The following DOCK4 variants were observed in gnomAD, a reference collection of about 807,000 sequenced individuals.
DOCK4 encodes dedicator of cytokinesis protein 4.
In DOCK4, 97 loss-of-function variants were observed where a neutral mutation model predicts 268.1. That is an observed-to-expected ratio of 0.36 (90% confidence interval 0.31 to 0.43). The LOEUF is 0.43. Among genes scored for constraint, DOCK4 ranks in the 20% least tolerant of loss-of-function variants. The probability of loss-of-function intolerance (pLI) is 1.00; values close to 1 mark genes in which losing one functional copy is unlikely to be tolerated. For missense variants in DOCK4, 2,145 were observed against 2,455.7 expected, an observed-to-expected ratio of 0.87 and a Z score of 2.67; for synonymous variants, 954 against 887.2, an observed-to-expected ratio of 1.08 and a Z score of -1.34.
chr7:111,766,441 C>A (rs1230047734), intron 38 of DOCK4, among the ~76,000 whole-genome samples: 1 of 152,086 alleles, frequency 6.6e-6, no homozygotes, highest in African/African-American at 2.4e-5. Context: ...CACAAACGTT[C>A]ATGTTGCTCA....
At chr7:111,960,269 C>T (rs938790827) in intron 8 of DOCK4, among the ~76,000 whole-genome samples, 2 of 150,550 alleles carry the variant, frequency 1.3e-5, no homozygotes, top group Non-Finnish European at 2.9e-5. Flanking sequence ...GAGGCTGAGG[C>T]AGGAGAATCG....
At position 111,778,388 on chromosome 7, in the gene DOCK4, G is replaced by T; in HGVS notation, c.3586-19C>A. On this transcript the variant is annotated intron_variant, in intron 35 of 52. Transcript: ENST00000428084. ...AGAAGTTCTGTAAAAAAAGAGTACA[G>T]GTATGGATAGTTCCTCAACAATCTG... 1 of 1,509,738 alleles carries T rather than the reference G, an allele frequency of 6.6e-7. No homozygotes were observed. The highest frequency in any genetic ancestry group is 1.1e-5 in the South Asian group (1 of 87,534). 93.5% of individuals were successfully genotyped at this position (1,509,738 alleles called of 1,614,324 possible). A position where few individuals can be genotyped will look rare whatever the true frequency, so the allele number is the denominator to read the frequency against.
intron 24 of DOCK4, among the ~76,000 whole-genome samples, chr7:111,846,050 C>T (rs537627997): frequency 6.6e-6 from 1 of 152,264 alleles, no homozygotes; most frequent in Admixed American, 6.5e-5. Context: ...TATTACACTT[C>T]CAGAGGCAGA....
chr7:112,169,498 T>C (rs1817894225), intron 1 of DOCK4, among the ~76,000 whole-genome samples: 1 of 152,170 alleles, frequency 6.6e-6, no homozygotes, highest in African/African-American at 2.4e-5. Context: ...AAATATTTGA[T>C]ATTTTAAAGG....
chr7:111,831,010 C>A (rs1203514311), intron 26 of DOCK4, among the ~76,000 whole-genome samples: 1 of 152,016 alleles, frequency 6.6e-6, no homozygotes, highest in Non-Finnish European at 1.5e-5. Context: ...CTTGGATGTT[C>A]ACATTTACTC....
intron 8 of DOCK4, among the ~76,000 whole-genome samples, chr7:111,959,313 C>T (rs962345714): frequency 5.9e-5 from 9 of 152,102 alleles, no homozygotes; most frequent in South Asian, 2.1e-4. Flanking sequence ...CACGTCTGGC[C>T]GGTCAGACAT....
chr7:111,876,727 G>C (rs1806916447), intron 17 of DOCK4, among the ~76,000 whole-genome samples: 1 of 146,842 alleles, frequency 6.8e-6, no homozygotes, highest in Non-Finnish European at 1.5e-5. Context: ...TAAAACACGA[G>C]ATTAAGGTGT....
At chr7:111,771,747 G>A (rs1325929296) in intron 36 of DOCK4, among the ~76,000 whole-genome samples, 4 of 152,108 alleles carry the variant, frequency 2.6e-5, no homozygotes, top group Non-Finnish European at 5.9e-5. Flanking sequence ...CACACTCTTT[G>A]CTCTTGTCAT....
chr7:111,733,692 G>A (rs553949987), intron 51 of DOCK4, among the ~76,000 whole-genome samples: 1 of 152,192 alleles, frequency 6.6e-6, no homozygotes, highest in African/African-American at 2.4e-5. Flanking sequence ...TGCTTTTCAG[G>A]TTCTCAACTT....
chr7:112,060,450 C>T (rs566088995), intron 1 of DOCK4, among the ~76,000 whole-genome samples: 2 of 152,136 alleles, frequency 1.3e-5, no homozygotes, highest in South Asian at 2.1e-4. Context: ...GCCATATGAT[C>T]CAGCAATTCT....
intron 12 of DOCK4, among the ~76,000 whole-genome samples, chr7:111,918,625 C>T (rs1461797292): frequency 6.6e-6 from 1 of 152,194 alleles, no homozygotes; most frequent in Non-Finnish European, 1.5e-5. Flanking sequence ...TCTCTACCCC[C>T]ACCTAATCAT....
chr7:111,862,994 CTTGGGG>C (rs1586204013), intron 23 of DOCK4: 2 of 217,958 alleles, frequency 9.2e-6, no homozygotes, highest in Admixed American at 5.6e-5. Flanking sequence ...ACCACTTGCT[CTTGGGG>C]TAAAGTAAAA....
At chr7:111,998,105 G>C (rs181801310) in intron 4 of DOCK4, among the ~76,000 whole-genome samples, 2 of 152,304 alleles carry the variant, frequency 1.3e-5, no homozygotes, top group East Asian at 3.9e-4. Context: ...CCTGGGGTTT[G>C]AGATAATATG....
intron 13 of DOCK4, among the ~76,000 whole-genome samples, chr7:111,913,497 C>G (rs1341405370): frequency 6.6e-6 from 1 of 151,226 alleles, no homozygotes; most frequent in Non-Finnish European, 1.5e-5. Flanking sequence ...GCAAGCTCCA[C>G]CTCCCGGGTT....
At chr7:111,828,517 A>T (rs1382912041) in intron 26 of DOCK4, among the ~76,000 whole-genome samples, 2 of 152,230 alleles carry the variant, frequency 1.3e-5, no homozygotes, top group Admixed American at 1.3e-4. Context: ...GAACTGTTAA[A>T]AAGAAAGGAA....
chr7:111,838,708 T>C (rs191107880), intron 25 of DOCK4, among the ~76,000 whole-genome samples: 1 of 151,976 alleles, frequency 6.6e-6, no homozygotes, highest in African/African-American at 2.4e-5. Context: ...GGGGATGAGG[T>C]AGCATGGAGG....
At chr7:112,035,384 A>C (rs540596228) in intron 1 of DOCK4, among the ~76,000 whole-genome samples, 1 of 152,308 alleles carries the variant, frequency 6.6e-6, no homozygotes, top group South Asian at 2.1e-4. Context: ...TAACCCCAGA[A>C]ACATAAGAAG....
intron 1 of DOCK4, among the ~76,000 whole-genome samples, chr7:112,116,073 G>C (rs1277290514): frequency 1.3e-5 from 2 of 152,036 alleles, no homozygotes; most frequent in Non-Finnish European, 1.5e-5. Flanking sequence ...ACATTCACAA[G>C]GTTGTGCAAC....
rs139024470 is a variant in DOCK4 at position 112,198,165 on chromosome 7, G to A, written c.37+7937C>T. Among the ~76,000 whole-genome samples, 723 of 152,058 alleles carry A rather than the reference G, an allele frequency of 4.8e-3. 8 individuals carry two copies. Among genetic ancestry groups the A allele is most frequent in the Middle Eastern group, 0.014 (4 of 294 alleles). On this transcript the variant is annotated intron_variant, in intron 1 of 52. Transcript: ENST00000428084. ...ACTTGGGGAGGTAATTAGGCCATGA[G>A]GGGGAGCCTTCATGATGGGATTCGT...
Sources: gnomAD v4.1 joint callset for allele counts (sites outside exome capture counted in the v4.1 genomes callset) on GRCh38, gnomAD v4.1.1 for gene constraint, MANE v1.5 for transcripts, NCBI Gene and HGNC (gene_info 2026-07-23, HGNC 2026-07-21) for gene names.